Variants in PMPCB observed in about 807,000 individuals in gnomAD.
PMPCB encodes the protein peptidase, mitochondrial processing subunit beta, also known as mitochondrial-processing peptidase subunit beta.
In PMPCB, 46 loss-of-function variants were observed where a neutral mutation model predicts 61.5. The observed-to-expected ratio is 0.75, with a 90% confidence interval of 0.59 to 0.96. The LOEUF is 0.96. PMPCB is among the 40% of genes least tolerant of loss of function. The probability of loss-of-function intolerance (pLI) is 0.00; values close to 1 mark genes in which losing one functional copy is unlikely to be tolerated. For synonymous variants in PMPCB, 191 were observed against 201.6 expected, an observed-to-expected ratio of 0.95 and a Z score of 0.44; for missense variants, 590 against 602.4, an observed-to-expected ratio of 0.98 and a Z score of 0.22.
At chr7:103,323,490 T>C in intron 12 of PMPCB, 1 of 1,138,918 alleles carries the variant, frequency 8.8e-7, no homozygotes, top group Non-Finnish European at 1.2e-6. Flanking sequence ...TTAAAAAAGA[T>C]GTACAAAGAG....
chr7:103,303,830 A>G lies in PMPCB; in HGVS notation c.458-12A>G, dbSNP rs769919891. Reference sequence around the variant, plus strand: ...TTGCTGGCACGTTTTCTTATATTTTATTTTCAATTAGCTGTAGAAATTCTT... The same window carrying G: ...TTGCTGGCACGTTTTCTTATATTTTGTTTTCAATTAGCTGTAGAAATTCTT... On this transcript the variant is annotated splice_polypyrimidine_tract_variant and intron_variant, in intron 4 of 12. Transcript: ENST00000249269. 2 of 1,573,082 alleles carry G rather than the reference A, an allele frequency of 1.3e-6. No homozygotes were observed. The highest frequency in any genetic ancestry group is 1.9e-5 in the Admixed American group (1 of 53,928).
Position 103,303,864 on chromosome 7 carries a change from A to G in PMPCB, c.480A>G (p.Ile160Met), listed in dbSNP as rs755722460. 6.2e-7 allele frequency: 1 copy of G among 1,610,422 alleles called. No homozygotes were observed. Among genetic ancestry groups the G allele is most frequent in the Non-Finnish European group, 8.5e-7 (1 of 1,178,004 alleles). ...TAGCTGTAGAAATTCTTGCTGATAT[A>G]ATACAAAACAGCACATTGGGAGAAG... ...LPRAVEILAD[I>M]IQNSTLGEAE... The change falls in exon 5 of 13, where the codon ATA becomes ATG. Residue 160 changes from isoleucine to methionine, a missense_variant. Coordinates refer to ENST00000249269, the MANE Select transcript of PMPCB (RefSeq NM_004279.3).
the PMPCB span, among the ~76,000 whole-genome samples, chr7:103,339,776 T>C: frequency 6.6e-6 from 1 of 152,180 alleles, no homozygotes; most frequent in Admixed American, 6.5e-5. Flanking sequence ...CCAGTGTTTT[T>C]TAAAATAATT....
In PMPCB at chr7:103,297,549, T is replaced by C. The variant is rs760672926; in HGVS notation, c.90T>C (p.Ala30=). ...GCGAGAGTCTTCTAATCCGAGGCGC[T>C]GCGGGACGGGTGAGCTTCCCTCCAG... ...GFSESLLIRG[A]AGRSLYFGEN... is the part of the protein sequence containing the mutation. Residue 30 remains alanine, a synonymous_variant, in exon 1 of 13, where the codon GCT becomes GCC. Transcript: ENST00000249269. 1 of 1,610,460 alleles carries C rather than the reference T, an allele frequency of 6.2e-7. No homozygotes were observed. Among genetic ancestry groups the C allele is most frequent in the East Asian group, 2.2e-5 (1 of 44,740 alleles).
chr7:103,324,546 T>C, intron 12 of PMPCB: 1 of 1,487,624 alleles, frequency 6.7e-7, no homozygotes, highest in Admixed American at 2.4e-5. Context: ...TTAGGAACAT[T>C]TTTTTTATTT....
chr7:103,312,072 C>T lies in PMPCB; in HGVS notation c.1346C>T (p.Thr449Ile), dbSNP rs764708187. 4.3e-6 allele frequency: 7 copies of T among 1,613,794 alleles called. No individual in the cohort carries two copies. Among genetic ancestry groups the T allele is most frequent in the Admixed American group, 1.7e-5 (1 of 60,000 alleles). Residue 449 changes from threonine to isoleucine, a missense_variant, in exon 12 of 13, where the codon ACA becomes ATA. Coordinates refer to ENST00000249269, the MANE Select transcript of PMPCB (RefSeq NM_004279.3). The stretch of plus-strand genomic sequence containing the variant: ...ATATTTCAGGCTGTGAATGCTGAGA[C>T]AATTCGAGAAGTATGTACCAAATAC... The part of the protein sequence containing the change: ...EARIDAVNAE[T>I]IREVCTKYIY...
At position 103,311,822 on chromosome 7, in the gene PMPCB, T is replaced by A. The variant is rs978470996; in HGVS notation, c.1255T>A (p.Cys419Ser). 21 of 1,612,620 alleles carry A rather than the reference T, an allele frequency of 1.3e-5. No homozygotes were observed. Among genetic ancestry groups the A allele is most frequent in the Middle Eastern group, 1.6e-4 (1 of 6,074 alleles). The change falls in exon 11 of 13, where the codon TGT (cysteine) becomes AGT (serine). Residue 419 changes from cysteine (C) to serine (S), a missense_variant. Cys to Ser is a moderately radical substitution (Grantham distance 112). Coordinates refer to ENST00000249269, the MANE Select transcript of PMPCB (RefSeq NM_004279.3). The stretch of plus-strand genomic sequence containing the variant: ...TCTTTAAACAGGTTCAACTCCAATT[T>A]GTGAAGATATTGGTAGGCAAATGTT... ...LLQLDGSTPICEDIGRQMLCY... is the reference protein window; with the variant it reads ...LLQLDGSTPISEDIGRQMLCY...
chr7:103,319,971 T>C (rs903667858), intron 12 of PMPCB: 9 of 938,276 alleles, frequency 9.6e-6, no homozygotes, highest in Admixed American at 2.0e-5. Context: ...GAGGCGGAAA[T>C]TGCAGCAAAC....
chr7:103,308,816 A>T, intron 7 of PMPCB, 136 bp from the exon 8 acceptor site: 2 of 550,830 alleles, frequency 3.6e-6, no homozygotes, highest in Non-Finnish European at 6.0e-6. Context: ...GAGGCCTGAT[A>T]GTTAAAAAAT....
the PMPCB span, chr7:103,344,743 G>C: frequency 9.8e-7 from 1 of 1,018,556 alleles, no homozygotes; most frequent in African/African-American, 1.6e-5. Flanking sequence ...AGACGCCCAG[G>C]AACCGGCGCA....
At chr7:103,316,885 C>G (rs373665995), downstream of PMPCB, 7 of 1,613,876 alleles carry the variant, frequency 4.3e-6, no homozygotes, top group Non-Finnish European at 5.9e-6. Context: ...AATTGTAGAT[C>G]ATCTTCTGAC....
In PMPCB at chr7:103,322,843, G is replaced by T; in HGVS notation, c.*1432-6088G>T. The T allele has an allele frequency of 2.9e-6, 4 of 1,394,950 alleles. No individual in the cohort carries two copies. In the South Asian group the frequency reaches 3.6e-5, roughly 13 times the overall value. 86.4% of individuals were successfully genotyped at this position (1,394,950 alleles called of 1,614,324 possible). On this transcript the variant is annotated intron_variant and NMD_transcript_variant, in intron 12 of 12. Transcript: ENST00000444457. ...ACAAACTACTGCTTATAGATGCTATGACTGGAAAATGCAATATTTTATAAA... is the reference window on the plus strand; with the variant it reads ...ACAAACTACTGCTTATAGATGCTATTACTGGAAAATGCAATATTTTATAAA...
chr7:103,340,422 T>C, the PMPCB span, among the ~76,000 whole-genome samples: 1 of 152,260 alleles, frequency 6.6e-6, no homozygotes, highest in African/African-American at 2.4e-5. Context: ...TTAGCTTATT[T>C]AGTCCTCTAA....
Position 103,304,483 on chromosome 7 carries a change from T to C in PMPCB, c.729T>C (p.Ala243=), listed in dbSNP as rs1312671471. 1.3e-6 allele frequency: 2 copies of C among 1,598,916 alleles called. No individual in the cohort carries two copies. Among genetic ancestry groups the C allele is most frequent in the Admixed American group, 1.7e-5 (1 of 60,012 alleles). The change falls in exon 6 of 13, where the codon GCT becomes GCC. Residue 243 remains alanine (A), a synonymous_variant. Transcript: ENST00000249269. The part of the protein sequence containing the change: ...HYKGPRIVLA[A]AGGVSHDELL... ...AGGGGCCAAGAATAGTGCTTGCTGC[T>C]GCTGGAGGTTAGTCAATTTAAATTT...
the PMPCB span, chr7:103,347,494 T>G: frequency 2.0e-6 from 1 of 490,502 alleles, no homozygotes. Flanking sequence ...CCAGGCGTTT[T>G]ACAAACACTG....
At chr7:103,320,850 TGAGATGGAGACTCTGTCTTG>T in intron 12 of PMPCB, 2 of 167,982 alleles carry the variant, frequency 1.2e-5, no homozygotes, top group East Asian at 1.6e-4. Flanking sequence ...TTTTTTTTTT[TGAGATGGAGACTCTGTCTTG>T]TTTAGTTACA....
intron 6 of PMPCB, among the ~76,000 whole-genome samples, chr7:103,307,320 G>A (rs2115680081): frequency 6.6e-6 from 1 of 152,116 alleles, no homozygotes; most frequent in African/African-American, 2.4e-5. Context: ...AAATGATTTT[G>A]TAAAACGTGG....
chr7:103,339,794 T>C, the PMPCB span, among the ~76,000 whole-genome samples: 1 of 151,952 alleles, frequency 6.6e-6, no homozygotes, highest in East Asian at 1.9e-4. Context: ...ATTTTTCATG[T>C]TATGTGATTG....
chr7:103,317,018 C>A, downstream of PMPCB: 1 of 1,611,092 alleles, frequency 6.2e-7, no homozygotes, highest in Non-Finnish European at 8.5e-7. Context: ...CTTCTATCTG[C>A]ACAAATATCA....
Sources: gnomAD v4.1 joint callset for allele counts (sites outside exome capture counted in the v4.1 genomes callset) on GRCh38, gnomAD v4.1.1 for gene constraint, MANE v1.5 for transcripts, NCBI Gene and HGNC (gene_info 2026-07-23, HGNC 2026-07-21) for gene names.